The following SLC23A2 variants were observed in gnomAD, a reference collection of about 807,000 sequenced individuals.
The protein encoded by SLC23A2 is solute carrier family 23 member 2.
Under a neutral mutation model 73.3 loss-of-function variants are expected in SLC23A2, and 36 were observed. The ratio of observed to expected loss-of-function variants is 0.49; its 90% confidence interval spans 0.38 to 0.65. The LOEUF is 0.65. Among genes scored for constraint, SLC23A2 ranks in the 30% least tolerant of loss-of-function variants. The pLI, the probability that SLC23A2 is intolerant of heterozygous loss-of-function variation, is 0.00. For synonymous variants in SLC23A2, 343 were observed against 327.3 expected (o/e 1.05, Z -0.52); for missense variants, 507 against 841.6 (o/e 0.60, Z 4.92).
intron 5 of SLC23A2, among the ~76,000 whole-genome samples, chr20:4,901,539 G>C (rs1182872871): frequency 1.3e-5 from 2 of 152,146 alleles, no homozygotes; most frequent in African/African-American, 2.4e-5. Context: ...AAGGGAAAAG[G>C]GTGCTGAAGA....
Position 4,947,343 on chromosome 20 carries a change from G to T in SLC23A2, c.-154-14627C>A, listed in dbSNP as rs1600161327. Reference sequence around the variant, plus strand: ...AGCCTGCATGACAAAATTAAAATCTGAATGTACATTTTAGCAAACTAAAGC... The same window carrying T: ...AGCCTGCATGACAAAATTAAAATCTTAATGTACATTTTAGCAAACTAAAGC... On this transcript the variant is annotated intron_variant, in intron 2 of 16. Transcript: ENST00000338244. This position sits in a 1 kb window ranked among gnomAD's most constrained non-coding sequence, Gnocchi z 4.4. Among the ~76,000 whole-genome samples the T allele has an allele frequency of 6.6e-6, 1 of 152,306 alleles. No individual in the cohort carries two copies. Among genetic ancestry groups the T allele is most frequent in the South Asian group, 2.1e-4 (1 of 4,818 alleles).
At chr20:4,974,425 G>A (rs200574385) in intron 1 of SLC23A2, among the ~76,000 whole-genome samples, 3 of 152,092 alleles carry the variant, frequency 2.0e-5, no homozygotes, top group South Asian at 4.1e-4. Context: ...CCGAGATCGC[G>A]CATTGCACTC....
At chr20:4,858,406 A>G (rs1345270792) in intron 16 of SLC23A2, among the ~76,000 whole-genome samples, 3 of 152,070 alleles carry the variant, frequency 2.0e-5, no homozygotes. Context: ...TCCCTCTCTC[A>G]ATTCCCTCTG....
At chr20:5,000,810 A>G (rs983079918) in intron 1 of SLC23A2, among the ~76,000 whole-genome samples, 14 of 151,514 alleles carry the variant, frequency 9.2e-5, no homozygotes, top group African/African-American at 3.4e-4. Context: ...GGGACTCGCG[A>G]CCCCCCAGGG....
chr20:4,858,159 T>C (rs766653640), intron 16 of SLC23A2, among the ~76,000 whole-genome samples: 31 of 152,136 alleles, frequency 2.0e-4, no homozygotes, highest in Non-Finnish European at 4.3e-4. Flanking sequence ...TTTTAGCGTG[T>C]CTGGTGCTAT....
In SLC23A2 at chr20:4,883,925, T is replaced by C; in HGVS notation, c.643-102A>G. ...ACTGATAATTCTGCAAGGCAATAAGTTATTACATCATCTAACTTGGGAGAG... is the reference window on the plus strand; with the variant it reads ...ACTGATAATTCTGCAAGGCAATAAGCTATTACATCATCTAACTTGGGAGAG... On this transcript the variant is annotated intron_variant, in intron 8 of 16. Coordinates refer to ENST00000338244, the MANE Select transcript of SLC23A2 (RefSeq NM_005116.6). The surrounding 1 kb of genome is among the most constrained non-coding windows in gnomAD (Gnocchi z 4.5). 1.2e-6 allele frequency: 1 copy of C among 800,356 alleles called. No individual in the cohort carries two copies. The allele number at this position is 800,356 out of a possible 1,614,324, so 49.6% of individuals were successfully genotyped here. A position where few individuals can be genotyped will look rare whatever the true frequency, so the allele number is the denominator to read the frequency against.
intron 2 of SLC23A2, among the ~76,000 whole-genome samples, chr20:4,959,584 A>G (rs1004781706): frequency 1.3e-5 from 2 of 152,086 alleles, no homozygotes; most frequent in African/African-American, 4.8e-5. Flanking sequence ...TGCAGCCTCA[A>G]CCTCCCGGGC....
chr20:4,953,485 T>A (rs1203996223), intron 2 of SLC23A2, among the ~76,000 whole-genome samples: 2 of 152,172 alleles, frequency 1.3e-5, no homozygotes, highest in Non-Finnish European at 2.9e-5. Context: ...GGTTTTTTTT[T>A]ATGTTTTTCA....
chr20:4,870,803 A>C (rs1185018387), intron 11 of SLC23A2, among the ~76,000 whole-genome samples: 4 of 152,216 alleles, frequency 2.6e-5, no homozygotes, highest in Non-Finnish European at 5.9e-5. Flanking sequence ...GGCAGTGAGA[A>C]ATCACCAGCT....
intron 1 of SLC23A2, among the ~76,000 whole-genome samples, chr20:4,972,563 G>A (rs561204638): frequency 7.9e-5 from 10 of 127,240 alleles, no homozygotes; most frequent in Admixed American, 1.6e-4. Context: ...GGGTTTTTGG[G>A]GGGTTTTTTG....
chr20:4,927,176 A>G (rs1160197174), intron 3 of SLC23A2, among the ~76,000 whole-genome samples: 2 of 152,162 alleles, frequency 1.3e-5, no homozygotes, highest in African/African-American at 4.8e-5. Flanking sequence ...AGTGAATTTC[A>G]GGTTTTATTG....
chr20:4,991,544 A>G (rs2087922129), intron 1 of SLC23A2, among the ~76,000 whole-genome samples: 1 of 152,062 alleles, frequency 6.6e-6, no homozygotes, highest in African/African-American at 2.4e-5. Context: ...CAATACGGTG[A>G]AACCCCATCT....
In SLC23A2 at chr20:4,902,953, C is replaced by T. The variant is rs557109078; in HGVS notation, c.208-395G>A. Among the ~76,000 whole-genome samples, 1 of 152,212 alleles carries T rather than the reference C, an allele frequency of 6.6e-6. No individual in the cohort carries two copies. Among genetic ancestry groups the T allele is most frequent in the South Asian group, 2.1e-4 (1 of 4,822 alleles). On this transcript the variant is annotated intron_variant, in intron 4 of 16. Transcript: ENST00000338244. The surrounding 1 kb of genome is among the most constrained non-coding windows in gnomAD (Gnocchi z 4.0). ...GAAAAAAATCTTAGAAAATTTTAAC[C>T]ACTTTCAAAGAGACAGCACACTGAT...
At position 4,856,081 on chromosome 20, in the gene SLC23A2, T is replaced by G. The variant is rs547658569; in HGVS notation, c.*891A>C. 1 of 152,518 alleles carries G rather than the reference T, an allele frequency of 6.6e-6. No individual in the cohort carries two copies. The highest frequency in any genetic ancestry group is 6.5e-5 in the Admixed American group (1 of 15,292). 9.4% of individuals were successfully genotyped at this position (152,518 alleles called of 1,614,324 possible). A position where few individuals can be genotyped will look rare whatever the true frequency, so the allele number is the denominator to read the frequency against. On this transcript the variant is annotated 3_prime_UTR_variant, in exon 17 of 17. Transcript: ENST00000338244. The surrounding 1 kb of genome is among the most constrained non-coding windows in gnomAD (Gnocchi z 4.6). ...ATAACATTAAATAGGAATAAAACCTTGTAATTATAGACGCGCGCGACAATA... is the reference window on the plus strand; with the variant it reads ...ATAACATTAAATAGGAATAAAACCTGGTAATTATAGACGCGCGCGACAATA...
chr20:4,924,963 T>C (rs994432497), intron 3 of SLC23A2, among the ~76,000 whole-genome samples: 3 of 152,132 alleles, frequency 2.0e-5, no homozygotes, highest in African/African-American at 4.8e-5. Flanking sequence ...GGCAGAAGGA[T>C]TGCTTGAGCT....
At chr20:4,989,616 C>T (rs2087891985) in intron 1 of SLC23A2, among the ~76,000 whole-genome samples, 1 of 135,500 alleles carries the variant, frequency 7.4e-6, no homozygotes, top group Admixed American at 7.8e-5. Context: ...ATTAAGGCTG[C>T]AGTGAGCCAT....
chr20:5,003,289 C>A (rs1337221831), upstream of SLC23A2, among the ~76,000 whole-genome samples: 1 of 152,096 alleles, frequency 6.6e-6, no homozygotes, highest in African/African-American at 2.4e-5. Flanking sequence ...GAGGCTGAGG[C>A]AGGAGAATGG....
At chr20:4,897,230 G>GA (rs1445654419) in intron 6 of SLC23A2, among the ~76,000 whole-genome samples, 2 of 152,100 alleles carry the variant, frequency 1.3e-5, no homozygotes, top group Non-Finnish European at 2.9e-5. Context: ...GACAACCATA[G>GA]AAAACCCCTA....
At chr20:4,860,297 T>C (rs1261795414) in intron 15 of SLC23A2, among the ~76,000 whole-genome samples, 2 of 152,244 alleles carry the variant, frequency 1.3e-5, no homozygotes, top group African/African-American at 2.4e-5. Flanking sequence ...CCACGCCACA[T>C]ACATTCCTGA....
Sources: gnomAD v4.1 joint callset for allele counts (sites outside exome capture counted in the v4.1 genomes callset) on GRCh38, gnomAD v4.1.1 for gene constraint, Gnocchi (gnomAD v3.1) non-coding constraint, MANE v1.5 for transcripts, NCBI Gene and HGNC (gene_info 2026-07-23, HGNC 2026-07-21) for gene names.